The following AGO2 variants were observed in gnomAD, a reference collection of about 807,000 sequenced individuals.
The protein encoded by AGO2 is argonaute RISC catalytic component 2.
Under a neutral mutation model 102.3 loss-of-function variants are expected in AGO2, and 5 were observed. The ratio of observed to expected loss-of-function variants is 0.05; its 90% confidence interval spans 0.03 to 0.10. The LOEUF is 0.10. Among genes scored for constraint, AGO2 ranks in the 10% least tolerant of loss-of-function variants. AGO2 has a pLI of 1.00. For missense variants in AGO2, 541 were observed against 1,183.7 expected (o/e 0.46, Z 7.97); for synonymous variants, 449 against 473.1 (o/e 0.95, Z 0.66).
At chr8:140,572,994 C>T in intron 2 of AGO2, 62 bp from the exon 3 acceptor site, 2 of 1,511,336 alleles carry the variant, frequency 1.3e-6, no homozygotes, top group Non-Finnish European at 1.8e-6. Context: ...CATACAAGGA[C>T]ATTTTTCTGA....
At chr8:140,605,123 T>C (rs2073980431) in intron 1 of AGO2, among the ~76,000 whole-genome samples, 1 of 151,910 alleles carries the variant, frequency 6.6e-6, no homozygotes. Flanking sequence ...TGAGGTGGGG[T>C]CTTCCTCTCT....
chr8:140,556,828 C>T (rs555033408), intron 8 of AGO2, among the ~76,000 whole-genome samples: 3 of 152,242 alleles, frequency 2.0e-5, no homozygotes, highest in East Asian at 1.9e-4. Context: ...ACCTGCCTCG[C>T]GCTGCGGGGC....
chr8:140,563,970 G>C (rs2073241876), intron 3 of AGO2, among the ~76,000 whole-genome samples: 1 of 152,246 alleles, frequency 6.6e-6, no homozygotes, highest in Non-Finnish European at 1.5e-5. Flanking sequence ...TGGGTCCCAG[G>C]TACACACCCT....
In AGO2 at chr8:140,531,911, G is replaced by A. The variant is rs1023984736; in HGVS notation, c.*133C>T. On this transcript the variant is annotated 3_prime_UTR_variant, in exon 19 of 19. Transcript: ENST00000220592. ...TGGGACGGAAGGCATTCTGGAAAAC[G>A]GAGAATCTAATAAAATCAATGACGT... The A allele has an allele frequency of 4.1e-5, 32 of 788,150 alleles. No individual in the cohort carries two copies. The highest frequency in any genetic ancestry group is 2.8e-4 in the Middle Eastern group (1 of 3,616). 48.8% of individuals were successfully genotyped at this position (788,150 alleles called of 1,614,324 possible).
chr8:140,541,029 T>C, intron 15 of AGO2, 135 bp downstream of exon 15: 6 of 915,524 alleles, frequency 6.6e-6, no homozygotes, highest in Admixed American at 3.4e-5. Flanking sequence ...CCCCCTTCCA[T>C]GGTGTGACCA....
chr8:140,586,753 C>T (rs2073664526), intron 1 of AGO2, among the ~76,000 whole-genome samples: 1 of 152,212 alleles, frequency 6.6e-6, no homozygotes, highest in Admixed American at 6.5e-5. Flanking sequence ...GAACAAAGCA[C>T]TTGCCAACAC....
At chr8:140,618,718 C>T (rs2074175429) in intron 1 of AGO2, among the ~76,000 whole-genome samples, 1 of 150,556 alleles carries the variant, frequency 6.6e-6, no homozygotes, top group Admixed American at 6.6e-5. Context: ...GTCCCAGCTA[C>T]CTGGGAGGCT....
intron 2 of AGO2, among the ~76,000 whole-genome samples, chr8:140,583,904 G>A (rs967012658): frequency 6.6e-6 from 1 of 152,048 alleles, no homozygotes; most frequent in Admixed American, 6.6e-5. Context: ...AACTCAGAAA[G>A]GGTAGCGCAT....
chr8:140,562,778 A>AG, intron 3 of AGO2, 144 bp from the exon 4 acceptor site: 8 of 836,698 alleles, frequency 9.6e-6, no homozygotes, highest in South Asian at 5.2e-5. Flanking sequence ...ACATGTGGCT[A>AG]TGGAGCACTT....
At chr8:140,546,290 G>C (rs117943907) in intron 13 of AGO2, among the ~76,000 whole-genome samples, 1 of 152,194 alleles carries the variant, frequency 6.6e-6, no homozygotes. Context: ...TTCTGGGTGC[G>C]TGTAACTCGG....
intron 13 of AGO2, among the ~76,000 whole-genome samples, chr8:140,544,739 G>T (rs1392336755): frequency 1.3e-5 from 2 of 152,206 alleles, no homozygotes; most frequent in South Asian, 4.1e-4. Flanking sequence ...ACGCTGAGAG[G>T]CCTCCACTCA....
chr8:140,603,258 AAC>A (rs1396664276), intron 1 of AGO2, among the ~76,000 whole-genome samples: 4 of 152,150 alleles, frequency 2.6e-5, no homozygotes, highest in African/African-American at 9.7e-5. Flanking sequence ...GTCAGCCAAA[AAC>A]ACACACCTCA....
intron 1 of AGO2, among the ~76,000 whole-genome samples, chr8:140,604,741 G>C (rs2073973744): frequency 6.6e-6 from 1 of 151,826 alleles, no homozygotes; most frequent in South Asian, 2.1e-4. Context: ...GCAGGAGAAT[G>C]GAGTGAACCT....
chr8:140,583,043 G>A (rs1398526838), intron 2 of AGO2, among the ~76,000 whole-genome samples: 2 of 152,250 alleles, frequency 1.3e-5, no homozygotes, highest in Non-Finnish European at 2.9e-5. Flanking sequence ...AGTGTGGGTA[G>A]TGCCATCCAA....
upstream of AGO2, among the ~76,000 whole-genome samples, chr8:140,639,960 C>CA (rs1473275783): frequency 2.0e-5 from 3 of 152,154 alleles, no homozygotes; most frequent in African/African-American, 7.2e-5. Context: ...CATCTCTAGA[C>CA]AAGAGGTACT....
chr8:140,547,717 C>A, intron 12 of AGO2, 90 bp from the exon 13 acceptor site: 1 of 1,509,236 alleles, frequency 6.6e-7, no homozygotes, highest in Non-Finnish European at 8.9e-7. Context: ...CCTCTTGCCC[C>A]CATCTGGCAA....
At chr8:140,612,186 G>A (rs1215738607) in intron 1 of AGO2, among the ~76,000 whole-genome samples, 2 of 133,530 alleles carry the variant, frequency 1.5e-5, no homozygotes, top group African/African-American at 5.7e-5. Flanking sequence ...TTGTGCCACT[G>A]CACTCCGGCC....
chr8:140,580,353 T>C (rs2073536970), intron 2 of AGO2, among the ~76,000 whole-genome samples: 2 of 152,236 alleles, frequency 1.3e-5, no homozygotes, highest in Admixed American at 1.3e-4. Flanking sequence ...GGATAAAGCC[T>C]CTGTGTTGGA....
At chr8:140,628,790 C>T (rs141539349) in intron 1 of AGO2, among the ~76,000 whole-genome samples, 73 of 149,222 alleles carry the variant, frequency 4.9e-4, no homozygotes, top group African/African-American at 1.8e-3. Flanking sequence ...GCAACAACAA[C>T]AATAATAATA....
Sources: gnomAD v4.1 joint callset for allele counts (sites outside exome capture counted in the v4.1 genomes callset) on GRCh38, gnomAD v4.1.1 for gene constraint, MANE v1.5 for transcripts, NCBI Gene and HGNC (gene_info 2026-07-23, HGNC 2026-07-21) for gene names.